TEAD1: variants seen among roughly 807,000 people sequenced by gnomAD.
The protein encoded by TEAD1 is TEA domain transcription factor 1, also known as transcriptional enhancer factor TEF-1.
A neutral mutation model predicts 54.9 loss-of-function variants in TEAD1; 9 were observed. That is an observed-to-expected ratio of 0.16 (90% CI 0.10 to 0.29). The LOEUF (loss-of-function observed/expected upper bound fraction) is 0.29. TEAD1 is among the 10% of genes least tolerant of loss of function. The pLI is 1.00. For missense variants in TEAD1, 387 were observed against 535.9 expected (o/e 0.72, Z 2.74); for synonymous variants, 200 against 187.8 (o/e 1.07, Z -0.53).
intron 2 of TEAD1, among the ~76,000 whole-genome samples, chr11:12,756,824 G>A (rs1358400132): frequency 1.3e-5 from 2 of 152,232 alleles, no homozygotes; most frequent in Non-Finnish European, 2.9e-5. Context: ...AAAGGGGGAA[G>A]TGCAGCGATT....
At chr11:12,854,927 A>G (rs188654787) in intron 3 of TEAD1, among the ~76,000 whole-genome samples, 1 of 152,028 alleles carries the variant, frequency 6.6e-6, no homozygotes, top group African/African-American at 2.4e-5. Context: ...CCATAATTTT[A>G]GCATGTTTCT....
intron 5 of TEAD1, among the ~76,000 whole-genome samples, chr11:12,872,649 A>T (rs766174990): frequency 6.6e-5 from 10 of 152,174 alleles, no homozygotes; most frequent in Non-Finnish European, 1.2e-4. Context: ...CCAGGTCTGG[A>T]TTTTCTTTAT....
At chr11:12,912,499 T>G (rs763674355) in intron 10 of TEAD1, among the ~76,000 whole-genome samples, 2 of 151,670 alleles carry the variant, frequency 1.3e-5, no homozygotes, top group Non-Finnish European at 2.9e-5. Context: ...AGACAAGGAG[T>G]CCTGGGAGGT....
intron 2 of TEAD1, among the ~76,000 whole-genome samples, chr11:12,743,744 G>A (rs1283720871): frequency 6.6e-6 from 1 of 152,200 alleles, no homozygotes; most frequent in Non-Finnish European, 1.5e-5. Flanking sequence ...TAAGGTGGGG[G>A]AGAAGGTTAC....
intron 3 of TEAD1, among the ~76,000 whole-genome samples, chr11:12,809,245 C>T (rs185694016): frequency 1.3e-5 from 2 of 152,296 alleles, no homozygotes; most frequent in Admixed American, 6.5e-5. Context: ...CTAGCTCTGA[C>T]CCCACCAGAT....
At chr11:12,687,250 G>A (rs1943352734) in intron 2 of TEAD1, among the ~76,000 whole-genome samples, 1 of 152,190 alleles carries the variant, frequency 6.6e-6, no homozygotes, top group Non-Finnish European at 1.5e-5. Flanking sequence ...AGGCAGAAAG[G>A]TCCTGGAAAA....
At chr11:12,804,828 G>A (rs1946135015) in intron 3 of TEAD1, among the ~76,000 whole-genome samples, 1 of 152,140 alleles carries the variant, frequency 6.6e-6, no homozygotes, top group African/African-American at 2.4e-5. Context: ...AAAAACTAGG[G>A]TTTCTTCAGA....
At chr11:12,925,880 C>T (rs1413340016) in intron 11 of TEAD1, among the ~76,000 whole-genome samples, 2 of 152,164 alleles carry the variant, frequency 1.3e-5, no homozygotes, top group East Asian at 3.8e-4. Context: ...GTTGCTTTTG[C>T]CATTTCCACT....
intron 3 of TEAD1, among the ~76,000 whole-genome samples, chr11:12,825,270 A>G (rs1946628167): frequency 6.6e-6 from 1 of 152,200 alleles, no homozygotes; most frequent in Non-Finnish European, 1.5e-5. Flanking sequence ...CGGATTGGGA[A>G]GAAAGAAAGA....
intron 2 of TEAD1, among the ~76,000 whole-genome samples, chr11:12,698,380 T>C (rs1943631222): frequency 6.6e-6 from 1 of 152,018 alleles, no homozygotes; most frequent in Non-Finnish European, 1.5e-5. Flanking sequence ...AGGTGGGGTC[T>C]GGAGATGGTA....
At chr11:12,788,286 C>T (rs984430138) in intron 3 of TEAD1, among the ~76,000 whole-genome samples, 9 of 151,986 alleles carry the variant, frequency 5.9e-5, no homozygotes, top group Non-Finnish European at 1.0e-4. Context: ...ACAGAGCTAC[C>T]GTGCCCAGCC....
intron 3 of TEAD1, among the ~76,000 whole-genome samples, chr11:12,777,134 C>T (rs1159949366): frequency 6.6e-6 from 1 of 152,048 alleles, no homozygotes; most frequent in African/African-American, 2.4e-5. Context: ...ATGTACTCTC[C>T]TCTCCCTCTT....
rs551896771 is a variant in TEAD1 at position 12,796,354 on chromosome 11, C to G, written c.202+31920C>G. On this transcript the variant is annotated intron_variant, in intron 3 of 12. Coordinates refer to ENST00000527636, the MANE Select transcript of TEAD1 (RefSeq NM_021961.6). The stretch of plus-strand genomic sequence containing the variant: ...CGTTGTTGGTCTCACTGAAACATAT[C>G]ATTTATAGAGATGCTATTGTGTTAC... Among the ~76,000 whole-genome samples, 5 of 152,268 alleles carry G rather than the reference C, an allele frequency of 3.3e-5. No homozygotes were observed. In the South Asian group the frequency reaches 8.3e-4, roughly 25 times the overall value.
intron 3 of TEAD1, among the ~76,000 whole-genome samples, chr11:12,783,759 T>C (rs983335930): frequency 2.6e-5 from 4 of 152,008 alleles, no homozygotes; most frequent in Non-Finnish European, 4.4e-5. Flanking sequence ...GATGTGAAAA[T>C]ACAGTGTTTT....
chr11:12,877,695 G>C (rs1374662685), intron 5 of TEAD1, among the ~76,000 whole-genome samples: 1 of 151,630 alleles, frequency 6.6e-6, no homozygotes, highest in Non-Finnish European at 1.5e-5. Flanking sequence ...GAAGTGTTAG[G>C]CTCCGTTTTC....
chr11:12,720,715 C>CT (rs1229331386), intron 2 of TEAD1, among the ~76,000 whole-genome samples: 8 of 152,290 alleles, frequency 5.3e-5, no homozygotes, highest in African/African-American at 1.9e-4. Context: ...TGTAAGTGGT[C>CT]TGAGTTTAAA....
intron 5 of TEAD1, among the ~76,000 whole-genome samples, chr11:12,878,485 A>G (rs999524892): frequency 7.9e-5 from 12 of 152,100 alleles, no homozygotes; most frequent in African/African-American, 2.9e-4. Context: ...GGCCTGGAAT[A>G]TAGACCCTCT....
chr11:12,762,666 T>C (rs1945125341), intron 2 of TEAD1, among the ~76,000 whole-genome samples: 1 of 152,104 alleles, frequency 6.6e-6, no homozygotes, highest in South Asian at 2.1e-4. Flanking sequence ...TCTACAAAGC[T>C]GGAAGGGAAG....
intron 2 of TEAD1, among the ~76,000 whole-genome samples, chr11:12,749,949 G>T (rs1267795392): frequency 6.6e-6 from 1 of 152,102 alleles, no homozygotes; most frequent in Admixed American, 6.5e-5. Flanking sequence ...GCTTTAATTG[G>T]CCCCTGAATT....
Sources: gnomAD v4.1 joint callset for allele counts (sites outside exome capture counted in the v4.1 genomes callset) on GRCh38, gnomAD v4.1.1 for gene constraint, MANE v1.5 for transcripts, NCBI Gene and HGNC (gene_info 2026-07-23, HGNC 2026-07-21) for gene names.